SGPP1: variants seen among roughly 807,000 people sequenced by gnomAD.
The protein encoded by SGPP1 is hSPP1.
In SGPP1, 21 loss-of-function variants were observed where a neutral mutation model predicts 33.0. The ratio of observed to expected loss-of-function variants is 0.64; its 90% confidence interval spans 0.45 to 0.92. SGPP1 has a LOEUF of 0.92. Among genes scored for constraint, SGPP1 ranks in the 40% least tolerant of loss-of-function variants. The probability of loss-of-function intolerance (pLI) is 0.00; values close to 1 mark genes in which losing one functional copy is unlikely to be tolerated. For missense variants in SGPP1, 543 were observed against 589.4 expected (o/e 0.92, Z 0.81); for synonymous variants, 239 against 241.2 (o/e 0.99, Z 0.08).
At chr14:63,694,257 G>A (rs1263391461) in intron 2 of SGPP1, among the ~76,000 whole-genome samples, 1 of 149,830 alleles carries the variant, frequency 6.7e-6, no homozygotes, top group East Asian at 1.9e-4. Context: ...CTGGGTAACA[G>A]AAGGAGACCC....
At chr14:63,724,613 C>CT (rs1313151227) in intron 1 of SGPP1, among the ~76,000 whole-genome samples, 2 of 78,386 alleles carry the variant, frequency 2.6e-5, no homozygotes, top group East Asian at 7.2e-4. Context: ...TAACAAGGAT[C>CT]TTTAAAAAAA....
rs1448947285 is a variant in SGPP1 at position 63,718,996 on chromosome 14, ATATATATATATATATATATTTTTTT to A, written c.684+8240_684+8264del. On this transcript the variant is annotated intron_variant, in intron 1 of 2. Transcript: ENST00000247225. Reference sequence around the variant, plus strand: ...TATATACATATATATATATATATATATATATATATATATATATATTTTTTTTTTTTTTTTTTTTTTTTTTTTTTGA... The same window carrying A: ...TATATACATATATATATATATATATATTTTTTTTTTTTTTTTTTTTTTTGA... Among the ~76,000 whole-genome samples the A allele has an allele frequency of 3.5e-3, 67 of 19,006 alleles. 1 individual carries two copies. The highest frequency in any genetic ancestry group is 0.016 in the African/African-American group (59 of 3,700). The allele number at this position is 19,006 out of a possible 152,430, so 12.5% of individuals were successfully genotyped here. A position where few individuals can be genotyped will look rare whatever the true frequency, so the allele number is the denominator to read the frequency against.
At chr14:63,715,565 C>A (rs1248981060) in intron 1 of SGPP1, among the ~76,000 whole-genome samples, 1 of 152,078 alleles carries the variant, frequency 6.6e-6, no homozygotes, top group Non-Finnish European at 1.5e-5. Context: ...CCTGTGATTG[C>A]ATTATCCTGC....
At chr14:63,688,878 T>C (rs534759804) in intron 2 of SGPP1, among the ~76,000 whole-genome samples, 184 of 152,124 alleles carry the variant, frequency 1.2e-3, no homozygotes, top group Non-Finnish European at 2.2e-3. Flanking sequence ...CCCGCCACCA[T>C]GCCCGACTAA....
At chr14:63,697,507 A>T (rs770887241) in intron 2 of SGPP1, among the ~76,000 whole-genome samples, 12 of 152,210 alleles carry the variant, frequency 7.9e-5, no homozygotes, top group Non-Finnish European at 1.5e-4. Context: ...TCATTCATAG[A>T]TGCCTCATGA....
intron 1 of SGPP1, among the ~76,000 whole-genome samples, chr14:63,707,966 T>A (rs1400260995): frequency 6.6e-6 from 1 of 152,136 alleles, no homozygotes; most frequent in East Asian, 1.9e-4. Context: ...TTAAGTACAA[T>A]AATTTTCAAA....
In SGPP1 at chr14:63,702,749, T is replaced by C. The variant is rs933354673; in HGVS notation, c.685-4091A>G. Among the ~76,000 whole-genome samples, 7 of 152,190 alleles carry C rather than the reference T, an allele frequency of 4.6e-5. No homozygotes were observed. In the East Asian group the frequency reaches 1.4e-3, roughly 29 times the overall value. ...AGAAAACATTTTGGGGAACACTTGA[T>C]CCAGTTCTGACTACATGATGACTTT... On this transcript the variant is annotated intron_variant, in intron 1 of 2. Coordinates refer to ENST00000247225, the MANE Select transcript of SGPP1 (RefSeq NM_030791.4).
chr14:63,715,083 T>A (rs1325539873), intron 1 of SGPP1, among the ~76,000 whole-genome samples: 1 of 150,820 alleles, frequency 6.6e-6, no homozygotes, highest in African/African-American at 2.4e-5. Flanking sequence ...GCTGTGATTT[T>A]GGCTCACTGC....
In SGPP1 at chr14:63,684,700, C is replaced by A. The variant is rs182603306; in HGVS notation, c.*1405G>T. 22 of 152,502 alleles carry A rather than the reference C, an allele frequency of 1.4e-4. No individual in the cohort carries two copies. The East Asian group carries it at 4.1e-3, about 28-fold the overall frequency. 9.4% of individuals were successfully genotyped at this position (152,502 alleles called of 1,614,324 possible). A position where few individuals can be genotyped will look rare whatever the true frequency, so the allele number is the denominator to read the frequency against. On this transcript the variant is annotated 3_prime_UTR_variant, in exon 3 of 3. Coordinates refer to ENST00000247225, the MANE Select transcript of SGPP1 (RefSeq NM_030791.4). ...GTATTTATTTATATGGAAAGTTAAT[C>A]TCTTCTTTATGAAAAACTTTCTACA...
At chr14:63,694,050 C>A (rs1031657496) in intron 2 of SGPP1, among the ~76,000 whole-genome samples, 1 of 152,030 alleles carries the variant, frequency 6.6e-6, no homozygotes, top group African/African-American at 2.4e-5. Flanking sequence ...GAGGTCAGGG[C>A]GAGTGGATCG....
intron 1 of SGPP1, among the ~76,000 whole-genome samples, chr14:63,723,497 G>C (rs1463663280): frequency 6.6e-6 from 1 of 152,088 alleles, no homozygotes; most frequent in African/African-American, 2.4e-5. Flanking sequence ...GAGGGGAGTG[G>C]ATCACGAGGT....
intron 2 of SGPP1, among the ~76,000 whole-genome samples, chr14:63,691,010 C>T (rs1885083685): frequency 6.6e-6 from 1 of 152,144 alleles, no homozygotes; most frequent in Non-Finnish European, 1.5e-5. Flanking sequence ...CCACCATGCC[C>T]AGCCATGAAA....
At position 63,727,455 on chromosome 14, in the gene SGPP1, C is replaced by G. The variant is rs763904055; in HGVS notation, c.490G>C (p.Val164Leu). 1 of 1,614,150 alleles carries G rather than the reference C, an allele frequency of 6.2e-7. No homozygotes were observed. Among genetic ancestry groups the G allele is most frequent in the East Asian group, 2.2e-5 (1 of 44,878 alleles). The change falls in exon 1 of 3, where the codon GTG (valine) becomes CTG (leucine). Residue 164 changes from valine to leucine, a missense_variant. Physicochemically the swap from Val to Leu is conservative, Grantham distance 32 (BLOSUM62 1). Transcript: ENST00000247225. ...TACATGACCAGCACCCAGATGACCA[C>G]GAGCCTCCGGCCCACCAGAGGGTCC... ...NLDPLVGRRL[V>L]VIWVLVMYLG...
intron 1 of SGPP1, among the ~76,000 whole-genome samples, chr14:63,712,511 T>G (rs546983855): frequency 6.6e-6 from 1 of 152,296 alleles, no homozygotes; most frequent in African/African-American, 2.4e-5. Context: ...TTGGCTGTGC[T>G]GAGCCAGTCA....
At chr14:63,709,613 G>T (rs2139645852) in intron 1 of SGPP1, among the ~76,000 whole-genome samples, 1 of 152,164 alleles carries the variant, frequency 6.6e-6, no homozygotes, top group African/African-American at 2.4e-5. Context: ...AGCTGTATCT[G>T]TGGCATTTAT....
chr14:63,705,181 C>G (rs1309512319), intron 1 of SGPP1, among the ~76,000 whole-genome samples: 1 of 148,424 alleles, frequency 6.7e-6, no homozygotes, highest in Non-Finnish European at 1.5e-5. Context: ...AGGAAATTAT[C>G]AAGAAAGTGA....
intron 2 of SGPP1, among the ~76,000 whole-genome samples, chr14:63,688,343 A>T (rs1342122247): frequency 4.8e-5 from 7 of 145,732 alleles, no homozygotes; most frequent in Admixed American, 6.8e-5. Flanking sequence ...AAAAAAAAAA[A>T]TTTTAAAAGA....
chr14:63,685,974 T>C lies in SGPP1; in HGVS notation c.*131A>G, dbSNP rs542784242. 62 of 576,882 alleles carry C rather than the reference T, an allele frequency of 1.1e-4. No homozygotes were observed. Among genetic ancestry groups the C allele is most frequent in the African/African-American group, 4.4e-4 (23 of 52,868 alleles). 35.7% of individuals were successfully genotyped at this position (576,882 alleles called of 1,614,324 possible). On this transcript the variant is annotated 3_prime_UTR_variant, in exon 3 of 3. Coordinates refer to ENST00000247225, the MANE Select transcript of SGPP1 (RefSeq NM_030791.4). Reference sequence around the variant, plus strand: ...CAATGATAAAATGCACTGACTCTTATGAATTTACTTAAATAATTATTTAAG... The same window carrying C: ...CAATGATAAAATGCACTGACTCTTACGAATTTACTTAAATAATTATTTAAG...
chr14:63,702,087 T>C (rs1885311833), intron 1 of SGPP1, among the ~76,000 whole-genome samples: 1 of 152,026 alleles, frequency 6.6e-6, no homozygotes, highest in Non-Finnish European at 1.5e-5. Context: ...AAATCACCTA[T>C]AGAGTCTCAG....
Sources: gnomAD v4.1 joint callset for allele counts (sites outside exome capture counted in the v4.1 genomes callset) on GRCh38, gnomAD v4.1.1 for gene constraint, MANE v1.5 for transcripts, NCBI Gene and HGNC (gene_info 2026-07-23, HGNC 2026-07-21) for gene names.